SLC7A7: variants seen among roughly 807,000 people sequenced by gnomAD.
The protein encoded by SLC7A7 is Y+L amino acid transporter 1.
A neutral mutation model predicts 47.9 loss-of-function variants in SLC7A7; 39 were observed. The ratio of observed to expected loss-of-function variants is 0.81; its 90% confidence interval spans 0.63 to 1.06. SLC7A7 has a LOEUF of 1.06. Ranked by LOEUF, SLC7A7 falls within the 50% of genes least tolerant of loss-of-function variation. The probability of loss-of-function intolerance (pLI) is 0.00; values close to 1 mark genes in which losing one functional copy is unlikely to be tolerated. For synonymous variants in SLC7A7, 234 were observed against 242.8 expected (o/e 0.96, Z 0.34); for missense variants, 588 against 632.0 (o/e 0.93, Z 0.75).
At chr14:22,804,018 T>C (rs1206224227) in intron 2 of SLC7A7, among the ~76,000 whole-genome samples, 1 of 152,160 alleles carries the variant, frequency 6.6e-6, no homozygotes, top group Admixed American at 6.6e-5. Context: ...ACTAGATTGG[T>C]TTCCCAGTTA....
chr14:22,776,323 A>G lies in SLC7A7; in HGVS notation c.771-5T>C, dbSNP rs371954584. 4 of 1,614,118 alleles carry G rather than the reference A, an allele frequency of 2.5e-6. No homozygotes were observed. The highest frequency in any genetic ancestry group is 2.7e-5 in the African/African-American group (2 of 74,954). On this transcript the variant is annotated splice_polypyrimidine_tract_variant and splice_region_variant and intron_variant, in intron 4 of 9. Coordinates refer to ENST00000674313, the MANE Select transcript of SLC7A7 (RefSeq NM_003982.4). Reference sequence around the variant, plus strand: ...CCAATGGAGAGGGGCAGGTTCCTACAGCCAAATAGAATAAAATGCACATTA... The same window carrying G: ...CCAATGGAGAGGGGCAGGTTCCTACGGCCAAATAGAATAAAATGCACATTA...
In SLC7A7 at chr14:22,773,460, AT is replaced by A. The variant is rs1397764018; in HGVS notation, c.*149del. 9 of 727,972 alleles carry A rather than the reference AT, an allele frequency of 1.2e-5. No homozygotes were observed. The South Asian group carries it at 1.3e-4, about 11-fold the overall frequency. The allele number at this position is 727,972 out of a possible 1,614,324, so 45.1% of individuals were successfully genotyped here. A position where few individuals can be genotyped will look rare whatever the true frequency, so the allele number is the denominator to read the frequency against. Reference sequence around the variant, plus strand: ...TAGCAAAACAAATAAATTACTTTTCATTTCAAAAAGTAAGTTCAAAGGTTGA... The same window carrying A: ...TAGCAAAACAAATAAATTACTTTTCATTCAAAAAGTAAGTTCAAAGGTTGA... On this transcript the variant is annotated 3_prime_UTR_variant, in exon 10 of 10. Coordinates refer to ENST00000674313, the MANE Select transcript of SLC7A7 (RefSeq NM_003982.4).
intron 2 of SLC7A7, among the ~76,000 whole-genome samples, chr14:22,782,532 G>A (rs1194164464): frequency 2.6e-5 from 4 of 151,212 alleles, no homozygotes; most frequent in African/African-American, 9.7e-5. Flanking sequence ...CATGATCTTG[G>A]CTCACTGCAA....
At chr14:22,786,274 C>T (rs929673212) in intron 2 of SLC7A7, among the ~76,000 whole-genome samples, 12 of 151,846 alleles carry the variant, frequency 7.9e-5, no homozygotes, top group South Asian at 4.2e-4. Flanking sequence ...GCCGAGATCA[C>T]GGCACTGCAC....
At chr14:22,779,271 GCCT>G (rs1345690943) in intron 3 of SLC7A7, among the ~76,000 whole-genome samples, 1 of 152,090 alleles carries the variant, frequency 6.6e-6, no homozygotes, top group Middle Eastern at 3.2e-3. Context: ...CCTGATTCCT[GCCT>G]CCTATCACAA....
chr14:22,793,002 C>T (rs1411632011), intron 2 of SLC7A7, among the ~76,000 whole-genome samples: 7 of 151,482 alleles, frequency 4.6e-5, no homozygotes, highest in Admixed American at 1.3e-4. Flanking sequence ...CTGCAACCTC[C>T]GCCTCCCGGG....
At chr14:22,802,751 C>A (rs1381560064) in intron 2 of SLC7A7, among the ~76,000 whole-genome samples, 1 of 152,108 alleles carries the variant, frequency 6.6e-6, no homozygotes, top group Admixed American at 6.6e-5. Flanking sequence ...TAAGTTCCAC[C>A]CCAGCTATAT....
chr14:22,780,261 C>T lies in SLC7A7; in HGVS notation c.500-210G>A. ...GCCTCTATACTCCCCACCCCCAGCA[C>T]CTTATATGGGAGACACAAAACAAAG... On this transcript the variant is annotated intron_variant, in intron 2 of 9. Coordinates refer to ENST00000674313, the MANE Select transcript of SLC7A7 (RefSeq NM_003982.4). The T allele has an allele frequency of 5.4e-6, 3 of 550,484 alleles. No individual in the cohort carries two copies. In the South Asian group the frequency reaches 6.0e-5, roughly 11 times the overall value. The allele number at this position is 550,484 out of a possible 1,614,324, so 34.1% of individuals were successfully genotyped here.
chr14:22,777,601 T>C (rs17122346), intron 4 of SLC7A7, among the ~76,000 whole-genome samples: 17,671 of 152,162 alleles, frequency 0.12, 1,585 homozygotes, highest in African/African-American at 0.25. Context: ...GGGCAAATAC[T>C]CTGCAAATAG....
chr14:22,818,349 G>A (rs1264826258), upstream of SLC7A7, among the ~76,000 whole-genome samples: 8 of 152,030 alleles, frequency 5.3e-5, no homozygotes, highest in East Asian at 3.9e-4. Flanking sequence ...CTGCCCGTGC[G>A]CACTAGGCAA....
chr14:22,806,161 T>C (rs989346098), intron 2 of SLC7A7, among the ~76,000 whole-genome samples: 2 of 141,494 alleles, frequency 1.4e-5, no homozygotes, highest in African/African-American at 5.2e-5. Flanking sequence ...ATCAGTAAAC[T>C]GACATTATCA....
At chr14:22,793,263 T>C (rs1467363628) in intron 2 of SLC7A7, among the ~76,000 whole-genome samples, 1 of 152,130 alleles carries the variant, frequency 6.6e-6, no homozygotes, top group African/African-American at 2.4e-5. Flanking sequence ...CTTACTCAGG[T>C]GTCATGGGTG....
chr14:22,774,957 T>C (rs1038740438), intron 7 of SLC7A7, among the ~76,000 whole-genome samples: 6 of 152,232 alleles, frequency 3.9e-5, no homozygotes, highest in Admixed American at 1.3e-4. Flanking sequence ...ATACTCAACC[T>C]GTATTAAAAC....
At chr14:22,809,744 T>C (rs1594981249) in intron 2 of SLC7A7, among the ~76,000 whole-genome samples, 1 of 152,124 alleles carries the variant, frequency 6.6e-6, no homozygotes, top group Admixed American at 6.6e-5. Flanking sequence ...CCTTTGCATG[T>C]ATTCTTACAA....
intron 4 of SLC7A7, among the ~76,000 whole-genome samples, chr14:22,777,996 A>C (rs915033332): frequency 6.6e-6 from 1 of 152,054 alleles, no homozygotes; most frequent in Non-Finnish European, 1.5e-5. Flanking sequence ...AATCACTTGA[A>C]CCTGGGAGGC....
At chr14:22,798,362 G>A (rs992208509) in intron 2 of SLC7A7, among the ~76,000 whole-genome samples, 2 of 152,124 alleles carry the variant, frequency 1.3e-5, no homozygotes, top group Admixed American at 1.3e-4. Context: ...AGAGGAAACT[G>A]AGGCTAATAA....
At chr14:22,805,850 C>T (rs1239063311) in intron 2 of SLC7A7, among the ~76,000 whole-genome samples, 1 of 152,076 alleles carries the variant, frequency 6.6e-6, no homozygotes, top group Admixed American at 6.6e-5. Context: ...ATAAACTGTA[C>T]ATACATCAAA....
intron 2 of SLC7A7, among the ~76,000 whole-genome samples, chr14:22,786,512 C>T (rs986593251): frequency 6.6e-6 from 1 of 152,186 alleles, no homozygotes; most frequent in Non-Finnish European, 1.5e-5. Flanking sequence ...TGCAAGACCC[C>T]ACACAGAAAA....
intron 2 of SLC7A7, among the ~76,000 whole-genome samples, chr14:22,788,951 T>C (rs2038875114): frequency 6.6e-6 from 1 of 152,168 alleles, no homozygotes; most frequent in Non-Finnish European, 1.5e-5. Context: ...TGTGCTCAAC[T>C]AGTGACAATT....
Sources: gnomAD v4.1 joint callset for allele counts (sites outside exome capture counted in the v4.1 genomes callset) on GRCh38, gnomAD v4.1.1 for gene constraint, MANE v1.5 for transcripts, NCBI Gene and HGNC (gene_info 2026-07-23, HGNC 2026-07-21) for gene names.